Variants in ACTR3C observed in about 807,000 individuals in gnomAD.
The protein encoded by ACTR3C is actin-related protein 3C.
Under a neutral mutation model 26.3 loss-of-function variants are expected in ACTR3C, and 18 were observed. The observed-to-expected ratio is 0.68, with a 90% confidence interval of 0.47 to 1.01. The LOEUF (loss-of-function observed/expected upper bound fraction) is 1.01. Ranked by LOEUF, ACTR3C falls within the 50% of genes least tolerant of loss-of-function variation. The pLI is 0.00. For missense variants in ACTR3C, 184 were observed against 250.7 expected, an observed-to-expected ratio of 0.73 and a Z score of 1.80; for synonymous variants, 55 against 94.5, an observed-to-expected ratio of 0.58 and a Z score of 2.42.
the ACTR3C span, among the ~76,000 whole-genome samples, chr7:149,946,494 C>T: frequency 0.014 from 2,115 of 152,242 alleles, 56 homozygotes; most frequent in African/African-American, 0.048. Context: ...GTATTTGGTC[C>T]CAGAGGTCAG....
chr7:150,286,526 G>A lies in ACTR3C; in HGVS notation c.312C>T (p.Tyr104=), dbSNP rs200546664. 5,253 of 1,611,266 alleles carry A rather than the reference G, an allele frequency of 3.3e-3. 20 individuals are homozygous for A. The highest frequency in any genetic ancestry group is 4.0e-3 in the Non-Finnish European group (4,703 of 1,179,662). ...ATTCCTTGACTATATCGGGGCAAAT[G>A]TAACAGTATTTCTCCTGCATACACA... is the stretch of plus-strand genomic sequence containing the variant. The part of the protein sequence containing the change: ...TAKAIKEKYC[Y]ICPDIVKEFA... Residue 104 remains tyrosine, a synonymous_variant, in exon 5 of 8, where the codon TAC becomes TAT. Transcript: ENST00000683684.
At chr7:150,132,084 T>G in the ACTR3C span, among the ~76,000 whole-genome samples, 1 of 152,218 alleles carries the variant, frequency 6.6e-6, no homozygotes, top group Non-Finnish European at 1.5e-5. Flanking sequence ...CATTGAAGTT[T>G]TAGGGAGTGT....
chr7:150,125,476 T>A, the ACTR3C span, among the ~76,000 whole-genome samples: 2 of 77,800 alleles, frequency 2.6e-5, no homozygotes, highest in African/African-American at 5.0e-5. Flanking sequence ...TCTGTGGGGG[T>A]GGGTGGGGGG....
chr7:150,162,243 C>T, the ACTR3C span, among the ~76,000 whole-genome samples: 2 of 152,260 alleles, frequency 1.3e-5, no homozygotes, highest in Non-Finnish European at 1.5e-5. Context: ...CACATTTCAA[C>T]ACCAATAGAG....
At chr7:150,150,561 A>G in the ACTR3C span, among the ~76,000 whole-genome samples, 6 of 138,898 alleles carry the variant, frequency 4.3e-5, 1 homozygote, top group Admixed American at 1.4e-4. Context: ...GGATTCCTCT[A>G]CTGGGATATG....
At chr7:149,915,538 CT>C in the ACTR3C span, among the ~76,000 whole-genome samples, 3 of 53,894 alleles carry the variant, frequency 5.6e-5, no homozygotes, top group Non-Finnish European at 1.1e-4. Context: ...TTTTTGTTTT[CT>C]GGTCAATTGG....
the ACTR3C span, among the ~76,000 whole-genome samples, chr7:149,934,385 G>C: frequency 6.6e-6 from 1 of 152,210 alleles, no homozygotes; most frequent in African/African-American, 2.4e-5. Context: ...GAGTGTGCCA[G>C]GCTCTTGGTG....
chr7:150,263,037 G>A (rs999855003), intron 6 of ACTR3C, among the ~76,000 whole-genome samples: 24 of 152,164 alleles, frequency 1.6e-4, no homozygotes, highest in Non-Finnish European at 3.1e-4. Context: ...GAGATGTAAC[G>A]AACTAGAAGA....
the ACTR3C span, among the ~76,000 whole-genome samples, chr7:150,034,766 C>A: frequency 2.7e-5 from 4 of 149,776 alleles, no homozygotes; most frequent in Middle Eastern, 3.5e-3. Flanking sequence ...ACGAAGGGGG[C>A]CCTAAGCCAG....
the ACTR3C span, among the ~76,000 whole-genome samples, chr7:150,094,953 A>G: frequency 7.1e-6 from 1 of 140,910 alleles, no homozygotes. Context: ...CTGCTCCAGC[A>G]CCCCCAGCCC....
At chr7:150,160,382 C>A in the ACTR3C span, among the ~76,000 whole-genome samples, 5 of 149,256 alleles carry the variant, frequency 3.3e-5, no homozygotes, top group East Asian at 9.7e-4. Context: ...TCTTTTTGCC[C>A]CTGCCTTTCC....
At chr7:150,026,412 C>G in the ACTR3C span, among the ~76,000 whole-genome samples, 2 of 152,086 alleles carry the variant, frequency 1.3e-5, no homozygotes, top group Non-Finnish European at 2.9e-5. Flanking sequence ...GTATCTCAGG[C>G]CTCTATTATT....
chr7:150,209,332 GA>G, the ACTR3C span, among the ~76,000 whole-genome samples: 2,721 of 148,740 alleles, frequency 0.018, 261 homozygotes, highest in African/African-American at 0.067. Context: ...GAGAGAGAGA[GA>G]AGTGGAAGCA....
chr7:150,131,470 A>G, the ACTR3C span, among the ~76,000 whole-genome samples: 1 of 152,020 alleles, frequency 6.6e-6, no homozygotes, highest in Admixed American at 6.6e-5. Context: ...AAAACTGTCA[A>G]AATCACCCTC....
chr7:150,108,649 C>A, the ACTR3C span, among the ~76,000 whole-genome samples: 1 of 150,198 alleles, frequency 6.7e-6, no homozygotes, highest in South Asian at 2.1e-4. Context: ...AATGGGGTTG[C>A]AGGAGAAGGT....
At chr7:150,244,710 T>C (rs1832375703), downstream of ACTR3C, 1 of 171,168 alleles carries the variant, frequency 5.8e-6, no homozygotes. Flanking sequence ...TGAGAGGAGT[T>C]ATGCAGTGCC....
the ACTR3C span, among the ~76,000 whole-genome samples, chr7:149,991,767 A>G: frequency 3.3e-5 from 5 of 152,206 alleles, no homozygotes; most frequent in Non-Finnish European, 7.3e-5. Context: ...GTCTCACTCT[A>G]TCACCCAGGC....
chr7:150,041,064 A>G, the ACTR3C span, among the ~76,000 whole-genome samples: 10 of 149,092 alleles, frequency 6.7e-5, no homozygotes, highest in African/African-American at 1.3e-4. Context: ...TCCAGCTGCC[A>G]TCTTTTCTCT....
At chr7:150,145,298 G>C in the ACTR3C span, among the ~76,000 whole-genome samples, 60 of 152,240 alleles carry the variant, frequency 3.9e-4, no homozygotes, top group African/African-American at 1.4e-3. Flanking sequence ...TTGCGCTGTA[G>C]GTCCCCAGCT....
Sources: allele counts gnomAD v4.1 joint callset (sites outside exome capture counted in the v4.1 genomes callset), GRCh38; gene constraint gnomAD v4.1.1; transcripts MANE v1.5; gene names NCBI Gene and HGNC (gene_info 2026-07-23, HGNC 2026-07-21).